L3MBTL3: variants seen among roughly 807,000 people sequenced by gnomAD.
L3MBTL3 encodes lethal(3)malignant brain tumor-like protein 3.
A neutral mutation model predicts 102.3 loss-of-function variants in L3MBTL3; 27 were observed. The observed-to-expected ratio is 0.26, with a 90% CI of 0.19 to 0.36. The LOEUF (loss-of-function observed/expected upper bound fraction) is 0.36, where lower values mean the gene tolerates loss of function less well. Among genes scored for constraint, L3MBTL3 ranks in the 10% least tolerant of loss-of-function variants. L3MBTL3 has a pLI of 1.00. For missense variants in L3MBTL3, 798 were observed against 955.3 expected (o/e 0.84, Z 2.17); for synonymous variants, 340 against 320.9 (o/e 1.06, Z -0.64).
At chr6:130,071,193 A>G in intron 13 of L3MBTL3, 66 bp downstream of exon 13, 1 of 1,403,464 alleles carries the variant, frequency 7.1e-7, no homozygotes, top group Non-Finnish European at 9.9e-7. Context: ...GTTTGAAAAC[A>G]GTAATAGTGC....
intron 20 of L3MBTL3, among the ~76,000 whole-genome samples, chr6:130,129,341 TAATG>T (rs1165637150): frequency 6.6e-6 from 1 of 152,220 alleles, no homozygotes; most frequent in Non-Finnish European, 1.5e-5. Flanking sequence ...TTCATAAACA[TAATG>T]AATATTATTA....
chr6:130,100,381 C>T (rs893592411), intron 18 of L3MBTL3, among the ~76,000 whole-genome samples: 2 of 152,120 alleles, frequency 1.3e-5, no homozygotes, highest in Admixed American at 6.5e-5. Flanking sequence ...CATTTTGTGG[C>T]GTTCCATTTT....
At chr6:130,115,927 A>G (rs1416957035) in intron 19 of L3MBTL3, among the ~76,000 whole-genome samples, 2 of 152,152 alleles carry the variant, frequency 1.3e-5, no homozygotes, top group Non-Finnish European at 2.9e-5. Flanking sequence ...GCTTTTACCT[A>G]TGTGGGTGCA....
intron 19 of L3MBTL3, among the ~76,000 whole-genome samples, chr6:130,110,652 A>G (rs1785292374): frequency 1.3e-5 from 2 of 152,292 alleles, no homozygotes; most frequent in South Asian, 4.1e-4. Context: ...AGACAATTTG[A>G]CTTCCTCTCT....
Position 130,068,399 on chromosome 6 carries a change from C to A in L3MBTL3, c.1070C>A (p.Ser357Ter). Residue 357 changes from serine to a stop codon, truncating the protein, a stop_gained, in exon 12 of 23, where the codon TCA (serine) becomes TAA (stop). Coordinates refer to ENST00000361794, the MANE Select transcript of L3MBTL3 (RefSeq NM_032438.4). LOFTEE classifies it high-confidence loss of function. ...TGTAAAGCTCAAGCTGCTCCTAAGT[C>A]ATTATTTGAAAATCAGAATATAGTA... ...KTCKAQAAPK[S>*]LFENQNITVI... The A allele has an allele frequency of 1.3e-6, 2 of 1,599,836 alleles. No homozygotes were observed. Among genetic ancestry groups the A allele is most frequent in the South Asian group, 2.2e-5 (2 of 90,726 alleles).
chr6:130,080,394 C>T (rs1026518508), intron 14 of L3MBTL3, among the ~76,000 whole-genome samples: 13 of 152,196 alleles, frequency 8.5e-5, no homozygotes, highest in African/African-American at 3.1e-4. Flanking sequence ...CAGTGATTGC[C>T]ATGGTTGCTT....
chr6:130,019,980 GGCGGCGGCGGTC>G (rs557177188), intron 1 of L3MBTL3, among the ~76,000 whole-genome samples: 1,420 of 133,092 alleles, frequency 0.011, 49 homozygotes, highest in East Asian at 0.1. Flanking sequence ...GTCGGGAGGC[GGCGGCGGCGGTC>G]GCGGCGGCGG....
At chr6:130,070,468 A>G (rs530304327) in intron 12 of L3MBTL3, among the ~76,000 whole-genome samples, 27 of 152,318 alleles carry the variant, frequency 1.8e-4, no homozygotes, top group African/African-American at 6.5e-4. Flanking sequence ...AGCCTTTCAT[A>G]TATGAAGATG....
chr6:130,020,348 A>C (rs963548739), intron 1 of L3MBTL3: 5 of 149,380 alleles, frequency 3.3e-5, no homozygotes, highest in Non-Finnish European at 7.4e-5. Flanking sequence ...GCGGGGAGAA[A>C]AACTTGAGAG....
intron 18 of L3MBTL3, among the ~76,000 whole-genome samples, chr6:130,102,441 A>C (rs1265938761): frequency 6.6e-6 from 1 of 152,230 alleles, no homozygotes; most frequent in Non-Finnish European, 1.5e-5. Context: ...TGTCTTTAAA[A>C]TCTTCTCTCC....
intron 2 of L3MBTL3, among the ~76,000 whole-genome samples, chr6:130,040,101 C>T (rs1455937916): frequency 1.3e-5 from 2 of 151,788 alleles, no homozygotes; most frequent in Non-Finnish European, 2.9e-5. Flanking sequence ...CTGAGGCAGG[C>T]GGATCACTTG....
intron 2 of L3MBTL3, among the ~76,000 whole-genome samples, chr6:130,027,176 A>C (rs953390456): frequency 2.0e-5 from 3 of 152,180 alleles, no homozygotes; most frequent in African/African-American, 7.2e-5. Flanking sequence ...TGGATCAGGC[A>C]GTTCTTCAGT....
intron 13 of L3MBTL3, among the ~76,000 whole-genome samples, chr6:130,073,550 A>C (rs1482097966): frequency 1.3e-5 from 2 of 152,172 alleles, no homozygotes; most frequent in Non-Finnish European, 2.9e-5. Context: ...AAATAGGTGA[A>C]TGTCAGTTTA....
Position 130,076,633 on chromosome 6 carries a change from G to A in L3MBTL3, c.1245-1925G>A, listed in dbSNP as rs541842569. On this transcript the variant is annotated intron_variant, in intron 13 of 22. Coordinates refer to ENST00000361794, the MANE Select transcript of L3MBTL3 (RefSeq NM_032438.4). ...CATAAAAACCCAGAAGAAAGGAAGA[G>A]TACAGCAATCAGTGTTTTGTCATAC... is the stretch of plus-strand genomic sequence containing the variant. 3.3e-5 allele frequency among the ~76,000 whole-genome samples: 5 copies of A among 152,232 alleles called. No individual in the cohort carries two copies. The South Asian group carries it at 1.0e-3, about 32-fold the overall frequency.
chr6:130,047,811 A>G (rs1780820647), intron 3 of L3MBTL3, among the ~76,000 whole-genome samples: 1 of 152,208 alleles, frequency 6.6e-6, no homozygotes, highest in African/African-American at 2.4e-5. Flanking sequence ...CAAAGTGATC[A>G]TTAAAAACAT....
chr6:130,060,789 A>C (rs936204363), intron 10 of L3MBTL3, among the ~76,000 whole-genome samples: 1 of 151,966 alleles, frequency 6.6e-6, no homozygotes, highest in African/African-American at 2.4e-5. Flanking sequence ...TATATTACTG[A>C]GAGTACTTTA....
At chr6:130,035,826 G>A (rs1417749087) in intron 2 of L3MBTL3, among the ~76,000 whole-genome samples, 2 of 152,202 alleles carry the variant, frequency 1.3e-5, no homozygotes. Flanking sequence ...GCCGAATCTT[G>A]TCTGGTAGCA....
At chr6:130,084,614 G>T (rs574741449) in intron 15 of L3MBTL3, among the ~76,000 whole-genome samples, 1 of 152,168 alleles carries the variant, frequency 6.6e-6, no homozygotes, top group Non-Finnish European at 1.5e-5. Flanking sequence ...TGCCATATTT[G>T]TGAATTTTTA....
intron 14 of L3MBTL3, among the ~76,000 whole-genome samples, chr6:130,083,390 A>G (rs1783487726): frequency 6.6e-6 from 1 of 151,906 alleles, no homozygotes; most frequent in African/African-American, 2.4e-5. Context: ...ATCTGAAAAT[A>G]TAAATTATAT....
Sources: allele counts gnomAD v4.1 joint callset (sites outside exome capture counted in the v4.1 genomes callset), GRCh38; gene constraint gnomAD v4.1.1; transcripts MANE v1.5; gene names NCBI Gene and HGNC (gene_info 2026-07-23, HGNC 2026-07-21).